NEK11: variants seen among roughly 807,000 people sequenced by gnomAD.
NEK11 encodes NIMA related kinase 11.
A neutral mutation model predicts 80.7 loss-of-function variants in NEK11; 72 were observed. The ratio of observed to expected loss-of-function variants is 0.89; its 90% CI spans 0.74 to 1.08. The LOEUF is 1.08. NEK11 is among the 50% of genes least tolerant of loss of function. The probability of loss-of-function intolerance (pLI) is 0.00; values close to 1 mark genes in which losing one functional copy is unlikely to be tolerated. For missense variants in NEK11, 764 were observed against 763.6 expected, an observed-to-expected ratio of 1.00 and a Z score of -0.01; for synonymous variants, 251 against 260.7, an observed-to-expected ratio of 0.96 and a Z score of 0.36.
At chr3:131,199,875 A>G (rs529171895) in intron 14 of NEK11, among the ~76,000 whole-genome samples, 1 of 152,306 alleles carries the variant, frequency 6.6e-6, no homozygotes, top group South Asian at 2.1e-4. Flanking sequence ...ATTACAGAAG[A>G]AAGGGCAAAA....
At chr3:131,308,010 G>A (rs368099754) in intron 17 of NEK11, among the ~76,000 whole-genome samples, 32 of 152,304 alleles carry the variant, frequency 2.1e-4, no homozygotes, top group African/African-American at 7.7e-4. Flanking sequence ...CTTGAAGAAG[G>A]AAAAATAACT....
intron 3 of NEK11, among the ~76,000 whole-genome samples, chr3:131,060,373 C>T (rs1296752597): frequency 6.6e-6 from 1 of 152,140 alleles, no homozygotes; most frequent in Non-Finnish European, 1.5e-5. Flanking sequence ...GCTCTGGTTG[C>T]TTTTTTCATC....
chr3:131,260,718 C>T (rs2095902098), intron 16 of NEK11, among the ~76,000 whole-genome samples: 1 of 152,058 alleles, frequency 6.6e-6, no homozygotes, highest in African/African-American at 2.4e-5. Context: ...GAAATATGAG[C>T]CATGAGGATA....
chr3:131,080,942 C>G (rs1361902625), intron 4 of NEK11, among the ~76,000 whole-genome samples: 1 of 152,018 alleles, frequency 6.6e-6, no homozygotes, highest in African/African-American at 2.4e-5. Context: ...ACCTCCATCT[C>G]TACAGAAAAT....
At chr3:131,335,557 C>G (rs1444342672) in intron 17 of NEK11, among the ~76,000 whole-genome samples, 1 of 152,182 alleles carries the variant, frequency 6.6e-6, no homozygotes, top group Non-Finnish European at 1.5e-5. Flanking sequence ...AAAACTGGCA[C>G]AAGCCAGGGA....
intron 4 of NEK11, among the ~76,000 whole-genome samples, chr3:131,107,251 G>A (rs1451957679): frequency 6.6e-6 from 1 of 151,962 alleles, no homozygotes; most frequent in Admixed American, 6.6e-5. Context: ...CAGGTTCTGG[G>A]ACCATAATTT....
At chr3:131,268,888 CTCT>C (rs1381537126) in intron 16 of NEK11, among the ~76,000 whole-genome samples, 1 of 152,216 alleles carries the variant, frequency 6.6e-6, no homozygotes, top group African/African-American at 2.4e-5. Flanking sequence ...CCCCCATTGG[CTCT>C]GTCCCAGGGA....
At chr3:131,037,061 G>C (rs950104156) in intron 3 of NEK11, among the ~76,000 whole-genome samples, 8 of 152,092 alleles carry the variant, frequency 5.3e-5, no homozygotes, top group Admixed American at 3.3e-4. Context: ...CTAGATTCTA[G>C]TGCCTTCTTT....
intron 16 of NEK11, among the ~76,000 whole-genome samples, chr3:131,256,660 T>C (rs978007973): frequency 2.6e-5 from 4 of 152,096 alleles, no homozygotes; most frequent in African/African-American, 9.7e-5. Context: ...TTGCTGTAGG[T>C]CATGAATTTA....
chr3:131,079,972 A>G (rs2074970736), intron 3 of NEK11, among the ~76,000 whole-genome samples: 1 of 152,114 alleles, frequency 6.6e-6, no homozygotes, highest in Non-Finnish European at 1.5e-5. Context: ...AAGGAAAGAT[A>G]GGCAAAGAAA....
chr3:131,130,809 T>C (rs1337023147), intron 5 of NEK11, among the ~76,000 whole-genome samples: 1 of 152,138 alleles, frequency 6.6e-6, no homozygotes, highest in Non-Finnish European at 1.5e-5. Context: ...GATATATATA[T>C]GTATATTTTT....
intron 16 of NEK11, among the ~76,000 whole-genome samples, chr3:131,269,841 G>A (rs536866677): frequency 5.9e-5 from 9 of 152,226 alleles, no homozygotes; most frequent in Non-Finnish European, 1.3e-4. Flanking sequence ...TCAGGAAGGA[G>A]CCCACACATG....
intron 14 of NEK11, among the ~76,000 whole-genome samples, chr3:131,227,584 C>A (rs112339860): frequency 6.6e-6 from 1 of 152,164 alleles, no homozygotes; most frequent in African/African-American, 2.4e-5. Context: ...GAAATAGCAA[C>A]AATAGATTGA....
intron 16 of NEK11, among the ~76,000 whole-genome samples, chr3:131,264,403 A>T (rs2096003389): frequency 6.6e-6 from 1 of 152,178 alleles, no homozygotes; most frequent in Non-Finnish European, 1.5e-5. Flanking sequence ...GGTGTAAGGA[A>T]GGGATCCAGT....
intron 5 of NEK11, among the ~76,000 whole-genome samples, chr3:131,112,291 A>G (rs1397286402): frequency 6.6e-6 from 1 of 152,182 alleles, no homozygotes; most frequent in Non-Finnish European, 1.5e-5. Flanking sequence ...GGTGAATCTC[A>G]GAGATCAGAG....
At chr3:131,332,669 G>A (rs1183068827) in intron 17 of NEK11, among the ~76,000 whole-genome samples, 7 of 152,204 alleles carry the variant, frequency 4.6e-5, no homozygotes, top group Middle Eastern at 3.4e-3. Context: ...AAAATACTCC[G>A]AGCTACAGGA....
chr3:131,274,814 T>C (rs2096266433), intron 17 of NEK11, among the ~76,000 whole-genome samples: 1 of 149,656 alleles, frequency 6.7e-6, no homozygotes, highest in Admixed American at 6.7e-5. Flanking sequence ...CCACCGCGCC[T>C]GGCTAATTTT....
At chr3:131,114,045 G>A (rs1439677648) in intron 5 of NEK11, among the ~76,000 whole-genome samples, 1 of 152,148 alleles carries the variant, frequency 6.6e-6, no homozygotes, top group Non-Finnish European at 1.5e-5. Context: ...TTGGAGTGAG[G>A]AGGGGGAGGA....
intron 14 of NEK11, among the ~76,000 whole-genome samples, chr3:131,189,937 A>G (rs565248146): frequency 4.2e-4 from 64 of 152,338 alleles, no homozygotes; most frequent in Admixed American, 1.1e-3. Flanking sequence ...GGCTTACAGA[A>G]TATTTCACAA....
Sources: gnomAD v4.1 joint callset for allele counts (sites outside exome capture counted in the v4.1 genomes callset) on GRCh38, gnomAD v4.1.1 for gene constraint, MANE v1.5 for transcripts, NCBI Gene and HGNC (gene_info 2026-07-23, HGNC 2026-07-21) for gene names.